FRY: variants seen among roughly 807,000 people sequenced by gnomAD.
FRY encodes the protein FRY microtubule binding protein, also known as protein furry homolog.
In FRY, 128 loss-of-function variants were observed where a neutral mutation model predicts 348.4. That is an observed-to-expected ratio of 0.37 (90% confidence interval 0.32 to 0.43). The LOEUF (loss-of-function observed/expected upper bound fraction) is 0.43, where lower values mean the gene tolerates loss of function less well. Among genes scored for constraint, FRY ranks in the 20% least tolerant of loss-of-function variants. The pLI is 1.00. For synonymous variants in FRY, 1,370 were observed against 1,374.7 expected, an observed-to-expected ratio of 1.00 and a Z score of 0.08; for missense variants, 2,736 against 3,695.2, an observed-to-expected ratio of 0.74 and a Z score of 6.73.
intron 2 of FRY, chr13:32,085,732 G>A: frequency 2.7e-6 from 1 of 376,144 alleles, no homozygotes; most frequent in East Asian, 6.7e-5. Flanking sequence ...AAGTCAGCCT[G>A]GTGCTTCCTC....
rs1403987848 is a variant in FRY, at chr13:32,278,558, G to A, written c.8469+10G>A. ...GGACTCCGAAGAAAAGGTAATAAAAGCCTGTTAGAATGGGTCTCTTGTGTG... is the reference window on the plus strand; with the variant it reads ...GGACTCCGAAGAAAAGGTAATAAAAACCTGTTAGAATGGGTCTCTTGTGTG... On this transcript the variant is annotated intron_variant, in intron 58 of 60. Transcript: ENST00000542859. 1 of 1,412,922 alleles carries A rather than the reference G, an allele frequency of 7.1e-7. No homozygotes were observed. Among genetic ancestry groups the A allele is most frequent in the Admixed American group, 1.7e-5 (1 of 59,754 alleles). The allele number at this position is 1,412,922 out of a possible 1,614,324, so 87.5% of individuals were successfully genotyped here. A position where few individuals can be genotyped will look rare whatever the true frequency, so the allele number is the denominator to read the frequency against.
Position 32,155,608 on chromosome 13 carries a change from G to A in FRY, c.1597G>A (p.Val533Ile), listed in dbSNP as rs756570833. ...AVLPSGNTLR[V>I]KKTYLSKTLT... ...TCTTCCTTCAGGAAACACGTTAAGA[G>A]TAAAGAAAACATATTTGAGTAAAAC... Residue 533 changes from valine (V) to isoleucine (I), a missense_variant, in exon 15 of 61, where the codon GTA becomes ATA. Val to Ile is a conservative substitution (Grantham distance 29). This residue lies in a region of FRY where 191 missense variants were observed against 370.2 expected (regional missense o/e 0.52). Transcript: ENST00000542859. The A allele has an allele frequency of 1.2e-6, 2 of 1,613,794 alleles. No homozygotes were observed. The highest frequency in any genetic ancestry group is 8.5e-7 in the Non-Finnish European group (1 of 1,179,756).
At chr13:32,262,272 G>A in intron 52 of FRY, 42 bp from the exon 53 acceptor site, 3 of 1,520,538 alleles carry the variant, frequency 2.0e-6, no homozygotes, top group Non-Finnish European at 1.8e-6. Context: ...TTAAAGAATG[G>A]GAACTTCATA....
At chr13:32,183,439 C>T (rs939617193) in intron 24 of FRY, among the ~76,000 whole-genome samples, 3 of 151,584 alleles carry the variant, frequency 2.0e-5, no homozygotes, top group African/African-American at 7.3e-5. Flanking sequence ...GAAGTGAATT[C>T]TGAAAAGGAT....
chr13:32,174,658 C>T lies in FRY; in HGVS notation c.2335-888C>T, dbSNP rs79910795. Among the ~76,000 whole-genome samples, 15 of 152,164 alleles carry T rather than the reference C, an allele frequency of 9.9e-5. No homozygotes were observed. In the East Asian group the frequency reaches 2.9e-3, roughly 29 times the overall value. ...ATATACACATGCCTCTAACGCCCCA[C>T]TTCTTAAGTGCTAATCCACTAGACT... On this transcript the variant is annotated intron_variant, in intron 19 of 60. Transcript: ENST00000542859.
At chr13:32,179,084 T>G in intron 22 of FRY, 51 bp downstream of exon 22, 11 of 1,464,820 alleles carry the variant, frequency 7.5e-6, no homozygotes, top group Non-Finnish European at 1.0e-5. Context: ...TTTTTTAGCT[T>G]GTTTGTCTAG....
intron 4 of FRY, among the ~76,000 whole-genome samples, chr13:32,121,964 G>A (rs1174750725): frequency 6.6e-6 from 1 of 152,122 alleles, no homozygotes; most frequent in Non-Finnish European, 1.5e-5. Context: ...TATAAGGTGA[G>A]AGATGAAGAT....
intron 50 of FRY, among the ~76,000 whole-genome samples, chr13:32,253,802 A>T (rs1361886305): frequency 1.3e-5 from 2 of 152,190 alleles, no homozygotes; most frequent in African/African-American, 4.8e-5. Flanking sequence ...TTCATTCTAC[A>T]ATAATATATC....
intron 3 of FRY, among the ~76,000 whole-genome samples, chr13:32,116,522 G>A (rs146489506): frequency 6.6e-6 from 1 of 152,220 alleles, no homozygotes; most frequent in African/African-American, 2.4e-5. Context: ...TTATGGGGCC[G>A]TACCTAAGAA....
chr13:32,074,721 C>T (rs1203914503), intron 1 of FRY, among the ~76,000 whole-genome samples: 1 of 152,150 alleles, frequency 6.6e-6, no homozygotes, highest in Non-Finnish European at 1.5e-5. Flanking sequence ...GTTTTTAATA[C>T]AACAAATTAA....
intron 14 of FRY, among the ~76,000 whole-genome samples, chr13:32,152,576 C>T (rs531168774): frequency 5.7e-4 from 87 of 152,180 alleles, no homozygotes; most frequent in Admixed American, 3.2e-3. Context: ...TGGATATCCA[C>T]CTGCAAAATA....
At chr13:32,053,156 C>T (rs1344964867) in intron 1 of FRY, among the ~76,000 whole-genome samples, 1 of 152,098 alleles carries the variant, frequency 6.6e-6, no homozygotes, top group Non-Finnish European at 1.5e-5. Flanking sequence ...GACCACATTT[C>T]AAGGGCTAAG....
chr13:32,190,569 A>G (rs1883282532), intron 28 of FRY, among the ~76,000 whole-genome samples: 1 of 152,160 alleles, frequency 6.6e-6, no homozygotes, highest in Non-Finnish European at 1.5e-5. Context: ...ATGGCATTTT[A>G]AAATTAGGAA....
At chr13:32,205,527 C>T (rs1411220176) in intron 31 of FRY, among the ~76,000 whole-genome samples, 2 of 152,232 alleles carry the variant, frequency 1.3e-5, no homozygotes, top group South Asian at 4.1e-4. Flanking sequence ...GGTAACATAA[C>T]GTGCAGGAAC....
At chr13:32,139,397 G>A (rs372457343) in intron 11 of FRY, among the ~76,000 whole-genome samples, 18 of 152,174 alleles carry the variant, frequency 1.2e-4, no homozygotes, top group African/African-American at 3.4e-4. Context: ...AGTGAACTTC[G>A]CACCTGAATC....
chr13:32,221,845 C>A (rs1200119721), intron 36 of FRY, among the ~76,000 whole-genome samples: 2 of 152,200 alleles, frequency 1.3e-5, no homozygotes, highest in Non-Finnish European at 2.9e-5. Context: ...TTGTGACGTT[C>A]ATTCATTCAA....
At chr13:32,226,811 T>C (rs1336473149) in intron 39 of FRY, among the ~76,000 whole-genome samples, 2 of 152,262 alleles carry the variant, frequency 1.3e-5, no homozygotes, top group African/African-American at 4.8e-5. Context: ...GTTAACATAG[T>C]TGTTTGGAAA....
intron 21 of FRY, 84 bp downstream of exon 21, chr13:32,178,520 G>A (rs747534246): frequency 2.7e-5 from 38 of 1,401,182 alleles, no homozygotes; most frequent in Non-Finnish European, 3.8e-5. Flanking sequence ...AGATTGGGAT[G>A]TTATCATCCC....
intron 30 of FRY, 21 bp downstream of exon 30, chr13:32,202,061 T>C (rs2138326685): frequency 7.6e-7 from 1 of 1,323,532 alleles, no homozygotes; most frequent in Non-Finnish European, 1.1e-6. Flanking sequence ...TTTACTGGCA[T>C]AGAAAATATC....
Sources: allele counts gnomAD v4.1 joint callset (sites outside exome capture counted in the v4.1 genomes callset), GRCh38; gene constraint gnomAD v4.1.1; regional missense constraint gnomAD v4.1.1; transcripts MANE v1.5; gene names NCBI Gene and HGNC (gene_info 2026-07-23, HGNC 2026-07-21).